Variants in FANK1 observed in about 807,000 individuals in gnomAD.
FANK1 encodes the protein fibronectin type 3 and ankyrin repeat domains protein 1.
In FANK1, 44 loss-of-function variants were observed where a neutral mutation model predicts 45.3. That is an observed-to-expected ratio of 0.97 (90% CI 0.76 to 1.25). FANK1 has a LOEUF of 1.25. FANK1 is among the 50% of genes most tolerant of loss of function. The probability of loss-of-function intolerance (pLI) is 0.00; values close to 1 mark genes in which losing one functional copy is unlikely to be tolerated. For missense variants in FANK1, 391 were observed against 424.4 expected (o/e 0.92, Z 0.69); for synonymous variants, 149 against 152.5 (o/e 0.98, Z 0.17).
intron 1 of FANK1, among the ~76,000 whole-genome samples, chr10:125,942,517 G>C (rs1948514848): frequency 6.6e-6 from 1 of 152,122 alleles, no homozygotes; most frequent in Admixed American, 6.5e-5. Context: ...GATTTGAGGA[G>C]GAGGACATTT....
intron 6 of FANK1, among the ~76,000 whole-genome samples, chr10:126,002,367 T>G (rs533292651): frequency 6.6e-6 from 1 of 152,314 alleles, no homozygotes; most frequent in East Asian, 1.9e-4. Flanking sequence ...GAATATAATT[T>G]AAAAAATGAA....
At chr10:125,933,468 A>G (rs1051698439) in intron 1 of FANK1, among the ~76,000 whole-genome samples, 1 of 152,004 alleles carries the variant, frequency 6.6e-6, no homozygotes, top group Non-Finnish European at 1.5e-5. Context: ...TTGTGTTGTC[A>G]GTTGTAATAT....
chr10:125,925,719 C>G (rs1182979494), intron 1 of FANK1, among the ~76,000 whole-genome samples: 1 of 151,488 alleles, frequency 6.6e-6, no homozygotes, highest in African/African-American at 2.4e-5. Flanking sequence ...ATTTTAATAC[C>G]TTTTAAAATC....
chr10:125,964,243 A>G (rs1384840567), intron 1 of FANK1, among the ~76,000 whole-genome samples: 1 of 119,740 alleles, frequency 8.4e-6, no homozygotes, highest in African/African-American at 3.3e-5. Context: ...CCCGGGCTGG[A>G]GTTCAGTGGC....
chr10:125,926,288 T>C (rs7082832), intron 1 of FANK1, among the ~76,000 whole-genome samples: 5 of 137,010 alleles, frequency 3.6e-5, no homozygotes, highest in African/African-American at 1.1e-4. Flanking sequence ...ACCTTGTTCA[T>C]ATTTCACCAG....
At chr10:125,945,229 A>G (rs1310040383) in intron 1 of FANK1, among the ~76,000 whole-genome samples, 2 of 152,222 alleles carry the variant, frequency 1.3e-5, no homozygotes, top group Admixed American at 6.5e-5. Context: ...AATAAGAACA[A>G]AACAACTGGG....
chr10:125,913,613 C>G (rs2366041), intron 1 of FANK1, among the ~76,000 whole-genome samples: 1 of 152,070 alleles, frequency 6.6e-6, no homozygotes, highest in Non-Finnish European at 1.5e-5. Flanking sequence ...TTACATAAAC[C>G]TGGGTTAATT....
intron 1 of FANK1, among the ~76,000 whole-genome samples, chr10:125,978,521 G>C (rs899262574): frequency 2.0e-5 from 3 of 152,086 alleles, no homozygotes; most frequent in Non-Finnish European, 2.9e-5. Context: ...GCTCGGGCAG[G>C]GGTGGCTAGA....
At chr10:125,898,375 G>A (rs952240585) in intron 1 of FANK1, among the ~76,000 whole-genome samples, 21 of 151,978 alleles carry the variant, frequency 1.4e-4, no homozygotes, top group African/African-American at 3.9e-4. Context: ...GGTCATCCCA[G>A]GAAAACTAAG....
chr10:125,946,017 G>A (rs1471351032), intron 1 of FANK1, among the ~76,000 whole-genome samples: 1 of 152,138 alleles, frequency 6.6e-6, no homozygotes, highest in East Asian at 1.9e-4. Flanking sequence ...TCACACGGCA[G>A]GGTATTCCAA....
intron 1 of FANK1, chr10:125,973,525 C>T (rs1950648789): frequency 5.6e-6 from 5 of 897,346 alleles, no homozygotes; most frequent in African/African-American, 1.8e-5. Flanking sequence ...GTTCCTTCTT[C>T]CACATGTATC....
chr10:125,940,797 G>A (rs1178022507), intron 1 of FANK1, among the ~76,000 whole-genome samples: 2 of 152,184 alleles, frequency 1.3e-5, no homozygotes, highest in Non-Finnish European at 2.9e-5. Flanking sequence ...AGTGCGTTGT[G>A]CCCCCTGCTT....
chr10:125,971,850 G>A (rs183675862), intron 1 of FANK1, among the ~76,000 whole-genome samples: 3 of 152,046 alleles, frequency 2.0e-5, no homozygotes, highest in South Asian at 2.1e-4. Flanking sequence ...TCTCGATCTC[G>A]TGACTTTGTG....
At chr10:125,989,160 G>A (rs1001024202) in intron 3 of FANK1, 36 of 827,764 alleles carry the variant, frequency 4.3e-5, no homozygotes, top group Middle Eastern at 3.2e-4. Context: ...CTGCATCCAC[G>A]GAGAATCCTG....
intron 1 of FANK1, among the ~76,000 whole-genome samples, chr10:125,968,730 C>T (rs551780699): frequency 6.6e-6 from 1 of 152,188 alleles, no homozygotes; most frequent in South Asian, 2.1e-4. Context: ...ATTTCTTTTA[C>T]AATCCTTTTA....
At chr10:125,970,857 A>AG (rs1950476004) in intron 1 of FANK1, among the ~76,000 whole-genome samples, 1 of 152,140 alleles carries the variant, frequency 6.6e-6, no homozygotes, top group South Asian at 2.1e-4. Flanking sequence ...GAGACGGGAG[A>AG]GGGAGAGGGA....
At chr10:125,968,395 G>A (rs1950303267) in intron 1 of FANK1, among the ~76,000 whole-genome samples, 1 of 152,228 alleles carries the variant, frequency 6.6e-6, no homozygotes, top group South Asian at 2.1e-4. Flanking sequence ...TGGACCATAT[G>A]CCACCGGAGG....
chr10:125,963,016 G>A (rs959959771), intron 1 of FANK1, among the ~76,000 whole-genome samples: 78 of 144,294 alleles, frequency 5.4e-4, no homozygotes, highest in African/African-American at 1.8e-3. Context: ...ATGGAGTCTC[G>A]CTCTGTCGCC....
intron 1 of FANK1, among the ~76,000 whole-genome samples, chr10:125,901,097 G>C (rs113595943): frequency 6.7e-6 from 1 of 150,004 alleles, no homozygotes; most frequent in Non-Finnish European, 1.5e-5. Flanking sequence ...CTGGGCTCAC[G>C]CATGTTTTTA....
Sources: allele counts gnomAD v4.1 joint callset (sites outside exome capture counted in the v4.1 genomes callset), GRCh38; gene constraint gnomAD v4.1.1; transcripts MANE v1.5; gene names NCBI Gene and HGNC (gene_info 2026-07-23, HGNC 2026-07-21).